SLC9A9: variants seen among roughly 807,000 people sequenced by gnomAD.
The protein encoded by SLC9A9 is solute carrier family 9 member A9, also known as sodium/hydrogen exchanger 9.
A neutral mutation model predicts 77.8 loss-of-function variants in SLC9A9; 62 were observed. That is an observed-to-expected ratio of 0.80 (90% CI 0.65 to 0.98). SLC9A9 has a LOEUF of 0.98. SLC9A9 is among the 50% of genes least tolerant of loss of function. The pLI, the probability that SLC9A9 is intolerant of heterozygous loss-of-function variation, is 0.00. For synonymous variants in SLC9A9, 320 were observed against 283.5 expected (o/e 1.13, Z -1.29); for missense variants, 775 against 774.9 (o/e 1.00, Z 0.00).
At chr3:143,624,429 G>A (rs553329930) in intron 6 of SLC9A9, among the ~76,000 whole-genome samples, 148 of 152,302 alleles carry the variant, frequency 9.7e-4, no homozygotes, top group African/African-American at 3.5e-3. Context: ...GATCAAGTGG[G>A]CTTCATCCCT....
At chr3:143,447,605 G>T (rs952691157) in intron 12 of SLC9A9, among the ~76,000 whole-genome samples, 3 of 152,124 alleles carry the variant, frequency 2.0e-5, no homozygotes, top group Non-Finnish European at 4.4e-5. Context: ...GCCCAGAAAA[G>T]GCAAACAATT....
At chr3:143,422,817 A>C (rs1202644842) in intron 12 of SLC9A9, among the ~76,000 whole-genome samples, 1 of 152,228 alleles carries the variant, frequency 6.6e-6, no homozygotes, top group Non-Finnish European at 1.5e-5. Flanking sequence ...GCCAGTGAGT[A>C]TCAGAGCCAG....
chr3:143,802,848 A>G (rs1032203660), intron 2 of SLC9A9, among the ~76,000 whole-genome samples: 1 of 152,156 alleles, frequency 6.6e-6, no homozygotes, highest in Non-Finnish European at 1.5e-5. Flanking sequence ...TCGAGATGCT[A>G]CAGGGTACAG....
At chr3:143,707,356 A>G (rs1039645069) in intron 4 of SLC9A9, among the ~76,000 whole-genome samples, 4 of 121,722 alleles carry the variant, frequency 3.3e-5, no homozygotes, top group African/African-American at 1.3e-4. Context: ...TACATTTTAT[A>G]TATTTTAAAA....
chr3:143,655,332 C>A (rs995050479), intron 5 of SLC9A9, among the ~76,000 whole-genome samples: 25 of 152,160 alleles, frequency 1.6e-4, no homozygotes, highest in African/African-American at 5.6e-4. Flanking sequence ...AACCTAGGTC[C>A]AAGGCAGGAC....
At chr3:143,390,293 T>C (rs1364604948) in intron 12 of SLC9A9, among the ~76,000 whole-genome samples, 1 of 152,206 alleles carries the variant, frequency 6.6e-6, no homozygotes, top group African/African-American at 2.4e-5. Flanking sequence ...AGGTAACAGC[T>C]AAGAAGAGGC....
At chr3:143,352,272 G>T (rs2032477484) in intron 14 of SLC9A9, among the ~76,000 whole-genome samples, 1 of 152,238 alleles carries the variant, frequency 6.6e-6, no homozygotes, top group South Asian at 2.1e-4. Flanking sequence ...AAGGGGCAGT[G>T]AGGAAATAAA....
intron 14 of SLC9A9, among the ~76,000 whole-genome samples, chr3:143,352,972 AT>A: frequency 1.3e-5 from 2 of 152,108 alleles, no homozygotes; most frequent in South Asian, 4.2e-4. Flanking sequence ...AATAAAATCC[AT>A]TTTCTTAACC....
intron 12 of SLC9A9, among the ~76,000 whole-genome samples, chr3:143,385,065 G>A (rs972187274): frequency 6.6e-6 from 1 of 152,142 alleles, no homozygotes; most frequent in African/African-American, 2.4e-5. Context: ...CATAAAGTCT[G>A]ACACTTGCTT....
At chr3:143,540,774 A>G (rs1300327762) in intron 9 of SLC9A9, among the ~76,000 whole-genome samples, 1 of 152,190 alleles carries the variant, frequency 6.6e-6, no homozygotes, top group Non-Finnish European at 1.5e-5. Flanking sequence ...CTGATTAATA[A>G]TAGTCTTCAC....
intron 14 of SLC9A9, among the ~76,000 whole-genome samples, chr3:143,330,753 C>T (rs2031742654): frequency 1.3e-5 from 2 of 152,172 alleles, no homozygotes; most frequent in African/African-American, 4.8e-5. Context: ...TTTAATTAAG[C>T]ATATTAACCT....
chr3:143,386,464 C>A (rs1291869938), intron 12 of SLC9A9, among the ~76,000 whole-genome samples: 3 of 152,230 alleles, frequency 2.0e-5, no homozygotes, highest in Non-Finnish European at 4.4e-5. Context: ...GTGTCACTCA[C>A]TCTGTCTCCA....
intron 14 of SLC9A9, among the ~76,000 whole-genome samples, chr3:143,273,431 C>G (rs1937952754): frequency 6.6e-6 from 1 of 152,156 alleles, no homozygotes; most frequent in African/African-American, 2.4e-5. Context: ...TTCTCTCTCT[C>G]CCTCTTCCCA....
intron 1 of SLC9A9, among the ~76,000 whole-genome samples, chr3:143,844,737 CTTTCTTTCTTTCTTTCTTTCTTT>C (rs950352016): frequency 2.2e-5 from 3 of 138,992 alleles, no homozygotes; most frequent in African/African-American, 5.4e-5. Flanking sequence ...TTCTTTCTTT[CTTTCTTTCTTTCTTTCTTTCTTT>C]CTTTCTTTCT....
intron 5 of SLC9A9, among the ~76,000 whole-genome samples, chr3:143,652,899 C>G (rs2038824721): frequency 6.6e-6 from 1 of 151,990 alleles, no homozygotes; most frequent in African/African-American, 2.4e-5. Context: ...TCAGCAGAGG[C>G]CTGGCTCACT....
At chr3:143,667,279 T>G (rs1320943939) in intron 5 of SLC9A9, among the ~76,000 whole-genome samples, 1 of 152,200 alleles carries the variant, frequency 6.6e-6, no homozygotes, top group Admixed American at 6.5e-5. Context: ...GCTAGCCATA[T>G]GTAGAAAGCT....
intron 9 of SLC9A9, among the ~76,000 whole-genome samples, chr3:143,501,759 G>A (rs1317104277): frequency 6.6e-6 from 1 of 150,798 alleles, no homozygotes; most frequent in Non-Finnish European, 1.5e-5. Flanking sequence ...ACATTTCTTT[G>A]AATGAACAGT....
chr3:143,480,727 G>A (rs1430349402), intron 11 of SLC9A9, among the ~76,000 whole-genome samples: 2 of 152,192 alleles, frequency 1.3e-5, no homozygotes, highest in Non-Finnish European at 2.9e-5. Context: ...TTAGCTGTTA[G>A]TGGCCTTGTA....
chr3:143,318,984 C>T (rs571094640), intron 14 of SLC9A9, among the ~76,000 whole-genome samples: 1 of 152,226 alleles, frequency 6.6e-6, no homozygotes, highest in South Asian at 2.1e-4. Flanking sequence ...TTATCTTGAC[C>T]TTGATTTCTT....
Sources: gnomAD v4.1 joint callset for allele counts (sites outside exome capture counted in the v4.1 genomes callset) on GRCh38, gnomAD v4.1.1 for gene constraint, MANE v1.5 for transcripts, NCBI Gene and HGNC (gene_info 2026-07-23, HGNC 2026-07-21) for gene names.